The following PCNX2 variants were observed in gnomAD, a reference collection of about 807,000 sequenced individuals.
The protein encoded by PCNX2 is pecanex 2, also known as pecanex-like protein 2.
Under a neutral mutation model 223.8 loss-of-function variants are expected in PCNX2, and 168 were observed. That is an observed-to-expected ratio of 0.75 (90% CI 0.66 to 0.85). The LOEUF (loss-of-function observed/expected upper bound fraction) is 0.85, where lower values mean the gene tolerates loss of function less well. Ranked by LOEUF, PCNX2 falls within the 40% of genes least tolerant of loss-of-function variation. The pLI is 0.00. For synonymous variants in PCNX2, 1,006 were observed against 1,052.6 expected, an observed-to-expected ratio of 0.96 and a Z score of 0.86; for missense variants, 2,507 against 2,675.5, an observed-to-expected ratio of 0.94 and a Z score of 1.39.
chr1:233,019,680 C>T (rs1220148991), intron 26 of PCNX2, among the ~76,000 whole-genome samples: 1 of 152,058 alleles, frequency 6.6e-6, no homozygotes, highest in Non-Finnish European at 1.5e-5. Context: ...GCAGCAGTAG[C>T]AGCAGCCCAG....
At position 233,139,255 on chromosome 1, in the gene PCNX2, C is replaced by T. The variant is rs561338065; in HGVS notation, c.3659+459G>A. ...AGTCTCTGTGCCAGTTTTTAAATTA[C>T]GAGGCTTCTCTTGATAAATTCAGAG... On this transcript the variant is annotated intron_variant, in intron 20 of 33. Coordinates refer to ENST00000258229, the MANE Select transcript of PCNX2 (RefSeq NM_014801.4). This position sits in a 1 kb window ranked among gnomAD's most constrained non-coding sequence, Gnocchi z 4.4. Among the ~76,000 whole-genome samples the T allele has an allele frequency of 1.3e-5, 2 of 152,288 alleles. No homozygotes were observed. The highest frequency in any genetic ancestry group is 1.9e-4 in the East Asian group (1 of 5,176).
At chr1:233,174,462 A>G (rs1234704753) in intron 17 of PCNX2, among the ~76,000 whole-genome samples, 1 of 151,490 alleles carries the variant, frequency 6.6e-6, no homozygotes, top group African/African-American at 2.4e-5. Flanking sequence ...CTTTTCATAT[A>G]CTGAACATTT....
chr1:233,249,671 C>G (rs1659332726), intron 8 of PCNX2, among the ~76,000 whole-genome samples: 1 of 152,216 alleles, frequency 6.6e-6, no homozygotes, highest in African/African-American at 2.4e-5. Context: ...ACAGGAGTGA[C>G]TTTGGGCACA....
intron 19 of PCNX2, among the ~76,000 whole-genome samples, chr1:233,155,875 T>G (rs1678091180): frequency 6.6e-6 from 1 of 152,222 alleles, no homozygotes; most frequent in Non-Finnish European, 1.5e-5. Context: ...GAGTACTCCT[T>G]TAACATTTAG....
In PCNX2 at chr1:233,289,524, C is replaced by T. The variant is rs557742303; in HGVS notation, c.153+5802G>A. 3 of 680,272 alleles carry T rather than the reference C, an allele frequency of 4.4e-6. No homozygotes were observed. The South Asian group carries it at 5.2e-5, about 12-fold the overall frequency. The allele number at this position is 680,272 out of a possible 1,614,324, so 42.1% of individuals were successfully genotyped here. On this transcript the variant is annotated intron_variant, in intron 1 of 33. Transcript: ENST00000258229. ...ATGCCTTTTAAGCAACTCCATGCTG[C>T]AGGCTCTTCGCCTGAAATACAACTC...
intron 17 of PCNX2, among the ~76,000 whole-genome samples, chr1:233,170,816 T>C (rs1158768244): frequency 3.3e-5 from 5 of 152,202 alleles, no homozygotes; most frequent in Non-Finnish European, 5.9e-5. Flanking sequence ...TTTCCCTCTG[T>C]TTGGATTTGG....
At chr1:233,162,331 GAA>G (rs1678537250) in intron 17 of PCNX2, among the ~76,000 whole-genome samples, 1 of 152,154 alleles carries the variant, frequency 6.6e-6, no homozygotes. Context: ...ACTGTTACCT[GAA>G]AAGTCTGAAA....
chr1:233,107,235 T>C (rs1324908521), intron 21 of PCNX2, among the ~76,000 whole-genome samples: 1 of 151,970 alleles, frequency 6.6e-6, no homozygotes, highest in Non-Finnish European at 1.5e-5. Flanking sequence ...AGCCTTTTTA[T>C]GTAACTTGAA....
chr1:233,279,438 A>ATG (rs764985508), intron 1 of PCNX2, among the ~76,000 whole-genome samples: 4 of 150,576 alleles, frequency 2.7e-5, no homozygotes, highest in Non-Finnish European at 5.9e-5. Flanking sequence ...ATTTATATAT[A>ATG]TGTGTGTGTA....
intron 32 of PCNX2, among the ~76,000 whole-genome samples, chr1:232,994,668 CA>C (rs896762243): frequency 1.8e-3 from 266 of 151,872 alleles, no homozygotes; most frequent in African/African-American, 6.3e-3. Context: ...TATCCCCACC[CA>C]AAAAAAATCC....
At chr1:233,226,152 G>A (rs1156703408) in intron 10 of PCNX2, among the ~76,000 whole-genome samples, 4 of 152,144 alleles carry the variant, frequency 2.6e-5, no homozygotes, top group African/African-American at 4.8e-5. Flanking sequence ...CAAGCCAACC[G>A]TGTAGTCAGT....
At position 233,114,340 on chromosome 1, in the gene PCNX2, A is replaced by G. The variant is rs546652435; in HGVS notation, c.3838-18477T>C. 2.8e-4 allele frequency among the ~76,000 whole-genome samples: 42 copies of G among 152,334 alleles called. No homozygotes were observed. The South Asian group carries it at 8.5e-3, about 31-fold the overall frequency. ...AACAGAGCGTGGAGTCTCCAGTGGC[A>G]GCACATCTGGCATAGTGGAGGAACT... On this transcript the variant is annotated intron_variant, in intron 21 of 33. Coordinates refer to ENST00000258229, the MANE Select transcript of PCNX2 (RefSeq NM_014801.4).
chr1:233,281,304 A>G (rs1661182154), intron 1 of PCNX2, among the ~76,000 whole-genome samples: 1 of 152,230 alleles, frequency 6.6e-6, no homozygotes, highest in South Asian at 2.1e-4. Context: ...AGAGGTGTCT[A>G]TTGATAGGGA....
intron 19 of PCNX2, among the ~76,000 whole-genome samples, chr1:233,156,169 A>T (rs887001104): frequency 2.0e-5 from 3 of 152,240 alleles, no homozygotes; most frequent in Non-Finnish European, 4.4e-5. Flanking sequence ...TTAGTCTCAA[A>T]GGTAAAGAAT....
intron 1 of PCNX2, among the ~76,000 whole-genome samples, chr1:233,277,545 A>C (rs563128646): frequency 1.3e-5 from 2 of 152,266 alleles, no homozygotes; most frequent in East Asian, 1.9e-4. Context: ...TCAGATTAAC[A>C]TCGGTAAAGT....
intron 23 of PCNX2, chr1:233,065,789 C>T (rs762732464): frequency 3.9e-5 from 6 of 152,158 alleles, no homozygotes; most frequent in Non-Finnish European, 7.3e-5. Context: ...CAGCCAAATA[C>T]CACAGATAAA....
At chr1:233,239,326 A>C (rs1438834930) in intron 8 of PCNX2, among the ~76,000 whole-genome samples, 3 of 151,858 alleles carry the variant, frequency 2.0e-5, no homozygotes, top group Non-Finnish European at 2.9e-5. Context: ...TCTTCCTCCT[A>C]CTAAGGTGTC....
the PCNX2 span, among the ~76,000 whole-genome samples, chr1:233,307,951 C>G: frequency 2.0e-5 from 3 of 152,202 alleles, no homozygotes; most frequent in Non-Finnish European, 4.4e-5. Context: ...AGACAACATT[C>G]ACGTGAGTCT....
At chr1:233,128,063 G>A (rs974503354) in intron 21 of PCNX2, among the ~76,000 whole-genome samples, 4 of 152,130 alleles carry the variant, frequency 2.6e-5, no homozygotes, top group South Asian at 4.1e-4. Flanking sequence ...AACACCCAGC[G>A]TGGTAGTCCA....
Sources: gnomAD v4.1 joint callset for allele counts (sites outside exome capture counted in the v4.1 genomes callset) on GRCh38, gnomAD v4.1.1 for gene constraint, Gnocchi (gnomAD v3.1) non-coding constraint, MANE v1.5 for transcripts, NCBI Gene and HGNC (gene_info 2026-07-23, HGNC 2026-07-21) for gene names.